The following SETBP1 variants were observed in gnomAD, a reference collection of about 807,000 sequenced individuals.
SETBP1 encodes SET-binding protein.
In SETBP1, 9 loss-of-function variants were observed where a neutral mutation model predicts 101.0. That is an observed-to-expected ratio of 0.09 (90% CI 0.05 to 0.16). The LOEUF (loss-of-function observed/expected upper bound fraction) is 0.16, where lower values mean the gene tolerates loss of function less well. SETBP1 is among the 10% of genes least tolerant of loss of function. The pLI is 1.00. For synonymous variants in SETBP1, 818 were observed against 788.5 expected (o/e 1.04, Z -0.63); for missense variants, 1,858 against 2,033.8 (o/e 0.91, Z 1.66).
intron 4 of SETBP1, among the ~76,000 whole-genome samples, chr18:45,031,420 C>A (rs1356838068): frequency 1.3e-5 from 2 of 152,098 alleles, no homozygotes; most frequent in Non-Finnish European, 2.9e-5. Context: ...ACAACAACGT[C>A]ATTAACAGAT....
intron 3 of SETBP1, among the ~76,000 whole-genome samples, chr18:44,878,047 G>A (rs1308396805): frequency 6.6e-6 from 1 of 152,062 alleles, no homozygotes; most frequent in Non-Finnish European, 1.5e-5. Context: ...GGGGGTAGGT[G>A]GTTATTCTTA....
intron 2 of SETBP1, among the ~76,000 whole-genome samples, chr18:44,856,463 A>C (rs2072979213): frequency 6.6e-6 from 1 of 152,042 alleles, no homozygotes; most frequent in Non-Finnish European, 1.5e-5. Flanking sequence ...CCTGTTTTTC[A>C]TTGTTGTTGG....
chr18:44,763,451 G>A (rs1184417549), intron 2 of SETBP1, among the ~76,000 whole-genome samples: 1 of 152,174 alleles, frequency 6.6e-6, no homozygotes, highest in Non-Finnish European at 1.5e-5. Flanking sequence ...AAACAGAGAG[G>A]CAATTGACAT....
chr18:44,688,447 C>T (rs1323801243), intron 1 of SETBP1, among the ~76,000 whole-genome samples: 3 of 151,642 alleles, frequency 2.0e-5, no homozygotes, highest in African/African-American at 7.3e-5. Context: ...TTTCTGTGAC[C>T]TATTGTTATT....
intron 5 of SETBP1, among the ~76,000 whole-genome samples, chr18:45,040,558 G>A (rs774774125): frequency 6.6e-5 from 10 of 152,072 alleles, no homozygotes; most frequent in African/African-American, 9.7e-5. Context: ...ACCTTTGCCG[G>A]CCATGCACAG....
In SETBP1 at chr18:45,064,833, A is replaced by G. The variant is rs1183205735; in HGVS notation, c.*1135A>G. 1.3e-5 allele frequency: 2 copies of G among 151,910 alleles called. No homozygotes were observed. Among genetic ancestry groups the G allele is most frequent in the Non-Finnish European group, 2.9e-5 (2 of 67,976 alleles). The allele number at this position is 151,910 out of a possible 1,614,324, so 9.4% of individuals were successfully genotyped here. A position where few individuals can be genotyped will look rare whatever the true frequency, so the allele number is the denominator to read the frequency against. ...CAAAAAAAAAAAAAAAAAGGAAACA[A>G]AAACACAATAGAAGTCCATTATCCC... On this transcript the variant is annotated 3_prime_UTR_variant, in exon 6 of 6. Transcript: ENST00000649279.
chr18:44,886,289 AT>A (rs1433385258), intron 3 of SETBP1, among the ~76,000 whole-genome samples: 5 of 152,090 alleles, frequency 3.3e-5, no homozygotes, highest in African/African-American at 4.8e-5. Context: ...TGTCCATCCC[AT>A]TCCAGTAGAG....
At chr18:44,743,374 T>C (rs146228195) in intron 2 of SETBP1, among the ~76,000 whole-genome samples, 1 of 152,194 alleles carries the variant, frequency 6.6e-6, no homozygotes, top group African/African-American at 2.4e-5. Flanking sequence ...AAGGGGGAAA[T>C]TGGATTCAAT....
At chr18:44,912,180 T>A (rs535204675) in intron 3 of SETBP1, among the ~76,000 whole-genome samples, 27 of 152,310 alleles carry the variant, frequency 1.8e-4, no homozygotes, top group African/African-American at 6.0e-4. Context: ...AAACATTTAT[T>A]ATTTGATAAA....
intron 2 of SETBP1, among the ~76,000 whole-genome samples, chr18:44,826,741 G>A (rs1473270503): frequency 6.6e-6 from 1 of 152,194 alleles, no homozygotes; most frequent in Non-Finnish European, 1.5e-5. Context: ...TGAATTGGGA[G>A]AGGGGAAGGA....
chr18:44,710,033 C>T (rs1468814778), intron 2 of SETBP1, among the ~76,000 whole-genome samples: 4 of 151,998 alleles, frequency 2.6e-5, no homozygotes, highest in Non-Finnish European at 5.9e-5. Context: ...TTTGCAAAGT[C>T]GGCCCCTCTT....
chr18:44,803,577 T>C (rs963241532), intron 2 of SETBP1, among the ~76,000 whole-genome samples: 2 of 152,180 alleles, frequency 1.3e-5, no homozygotes, highest in African/African-American at 2.4e-5. Context: ...ACTTTTCCTC[T>C]TCCAGCTTTC....
At chr18:44,914,352 G>A (rs1446761616) in intron 3 of SETBP1, among the ~76,000 whole-genome samples, 1 of 152,168 alleles carries the variant, frequency 6.6e-6, no homozygotes, top group East Asian at 1.9e-4. Context: ...CTACTGTTAG[G>A]CAACACAGAA....
chr18:44,784,187 G>A (rs1393613553), intron 2 of SETBP1, among the ~76,000 whole-genome samples: 1 of 152,210 alleles, frequency 6.6e-6, no homozygotes, highest in Non-Finnish European at 1.5e-5. Context: ...CAGAAAATAG[G>A]AGTTCTTTCA....
intron 2 of SETBP1, among the ~76,000 whole-genome samples, chr18:44,714,043 T>C (rs2069405197): frequency 6.6e-6 from 1 of 152,230 alleles, no homozygotes. Flanking sequence ...TGACCTCCTT[T>C]ATCTAAATGA....
Position 44,701,465 on chromosome 18 carries a change from C to T in SETBP1, c.119C>T (p.Ser40Phe). The T allele has an allele frequency of 1.2e-6, 2 of 1,613,430 alleles. No individual in the cohort carries two copies. Among genetic ancestry groups the T allele is most frequent in the Admixed American group, 1.7e-5 (1 of 59,978 alleles). Residue 40 changes from serine to phenylalanine, a missense_variant, in exon 2 of 6, where the codon TCC becomes TTC. Physicochemically the swap from Ser to Phe is radical, Grantham distance 155 (BLOSUM62 -2). Coordinates refer to ENST00000649279, the MANE Select transcript of SETBP1 (RefSeq NM_015559.3). Reference sequence around the variant, plus strand: ...GGCTGTGCAGGAGAACCTTTGCTCTCCACTCCAGGACCTGGGAAGGGGATC... The same window carrying T: ...GGCTGTGCAGGAGAACCTTTGCTCTTCACTCCAGGACCTGGGAAGGGGATC... ...APGCAGEPLLSTPGPGKGIPV... is the reference protein window; with the variant it reads ...APGCAGEPLLFTPGPGKGIPV...
Position 44,897,827 on chromosome 18 carries a change from C to T in SETBP1, c.540+28544C>T, listed in dbSNP as rs548224891. On this transcript the variant is annotated intron_variant, in intron 3 of 5. Transcript: ENST00000649279. ...TGGGCTGTTCTCTTGGTTATGGTGA[C>T]CACATTCATCAAGCCAGAAATACAG... is the stretch of plus-strand genomic sequence containing the variant. 1.2e-3 allele frequency among the ~76,000 whole-genome samples: 180 copies of T among 152,156 alleles called. 1 individual carries two copies. Among genetic ancestry groups the T allele is most frequent in the Non-Finnish European group, 2.3e-3 (157 of 67,996 alleles).
At chr18:44,707,148 CTA>C (rs2069237509) in intron 2 of SETBP1, among the ~76,000 whole-genome samples, 2 of 152,210 alleles carry the variant, frequency 1.3e-5, no homozygotes, top group African/African-American at 2.4e-5. Context: ...GAAGCCAATT[CTA>C]TTAGACTCCA....
intron 2 of SETBP1, among the ~76,000 whole-genome samples, chr18:44,702,652 A>T (rs2069137470): frequency 6.6e-6 from 1 of 152,212 alleles, no homozygotes; most frequent in South Asian, 2.1e-4. Flanking sequence ...ACAGTCAAGA[A>T]TTGTTAAAAT....
Sources: allele counts gnomAD v4.1 joint callset (sites outside exome capture counted in the v4.1 genomes callset), GRCh38; gene constraint gnomAD v4.1.1; transcripts MANE v1.5; gene names NCBI Gene and HGNC (gene_info 2026-07-23, HGNC 2026-07-21).